IFT57: variants seen among roughly 807,000 people sequenced by gnomAD.
IFT57 encodes intraflagellar transport 57.
In IFT57, 59 loss-of-function variants were observed where a neutral mutation model predicts 56.8. The observed-to-expected ratio is 1.04, with a 90% CI of 0.84 to 1.29. The LOEUF is 1.29. Ranked by LOEUF, IFT57 falls within the 50% of genes most tolerant of loss-of-function variation. The probability of loss-of-function intolerance (pLI) is 0.00; values close to 1 mark genes in which losing one functional copy is unlikely to be tolerated. For synonymous variants in IFT57, 209 were observed against 186.1 expected, an observed-to-expected ratio of 1.12 and a Z score of -1.00; for missense variants, 470 against 522.1, an observed-to-expected ratio of 0.90 and a Z score of 0.97.
At chr3:108,213,268 C>G (rs891838254) in intron 4 of IFT57, among the ~76,000 whole-genome samples, 6 of 152,066 alleles carry the variant, frequency 3.9e-5, no homozygotes, top group Admixed American at 3.9e-4. Context: ...CCCCACATTG[C>G]TCAAGGGTCA....
chr3:108,162,490 G>T lies in IFT57; in HGVS notation c.1277C>A (p.Thr426Lys), dbSNP rs1238789533. 6.3e-7 allele frequency: 1 copy of T among 1,599,352 alleles called. No homozygotes were observed. Among genetic ancestry groups the T allele is most frequent in the Non-Finnish European group, 8.5e-7 (1 of 1,172,606 alleles). Residue 426 changes from threonine to lysine, a missense_variant, in exon 11 of 11, where the codon ACA (threonine) becomes AAA (lysine). Transcript: ENST00000264538. ...MHATVIPEPA[T>K]GFY ...AACCAGTATGTTTTAATAAAAGCCT[G>T]TTGCTGGTTCTGGAATAACTGTGGC...
chr3:108,194,932 T>C (rs2080235583), intron 5 of IFT57, among the ~76,000 whole-genome samples: 1 of 152,054 alleles, frequency 6.6e-6, no homozygotes, highest in Non-Finnish European at 1.5e-5. Context: ...AAGTAAGACC[T>C]CAAAAGCACA....
chr3:108,199,560 A>C (rs992478763), intron 5 of IFT57, among the ~76,000 whole-genome samples: 4 of 152,200 alleles, frequency 2.6e-5, no homozygotes, highest in South Asian at 2.1e-4. Flanking sequence ...AAGACCTTCA[A>C]ATCTAAGGTA....
At chr3:108,211,143 G>A (rs974738945) in intron 4 of IFT57, among the ~76,000 whole-genome samples, 10 of 152,146 alleles carry the variant, frequency 6.6e-5, no homozygotes, top group Admixed American at 2.0e-4. Flanking sequence ...TGGTTTCTGC[G>A]CTTGCAGATA....
At position 108,218,673 on chromosome 3, in the gene IFT57, A is replaced by G; in HGVS notation, c.376-20T>C. The G allele has an allele frequency of 7.9e-7, 1 of 1,269,344 alleles. No individual in the cohort carries two copies. The highest frequency in any genetic ancestry group is 1.1e-6 in the Non-Finnish European group (1 of 912,808). 78.6% of individuals were successfully genotyped at this position (1,269,344 alleles called of 1,614,324 possible). ...TCTTCCCTGAAAAACAAAAGAAAAA[A>G]CAGGGTATTATTTGTTAGTTATACT... is the stretch of plus-strand genomic sequence containing the variant. On this transcript the variant is annotated intron_variant, in intron 2 of 10. Coordinates refer to ENST00000264538, the MANE Select transcript of IFT57 (RefSeq NM_018010.4).
chr3:108,169,493 G>C (rs1429994858), intron 6 of IFT57, among the ~76,000 whole-genome samples: 3 of 152,000 alleles, frequency 2.0e-5, no homozygotes, highest in African/African-American at 7.2e-5. Context: ...AGTTTAATTA[G>C]AGGCCATTTG....
chr3:108,222,376 A>G lies in IFT57; in HGVS notation c.-54T>C. ...TCAGGCCCACAGACCTCTGCGGCCT[A>G]AGCCGCCAGCCCTGCCGCCGCCAGT... On this transcript the variant is annotated 5_prime_UTR_variant, in exon 1 of 11. Coordinates refer to ENST00000264538, the MANE Select transcript of IFT57 (RefSeq NM_018010.4). The G allele has an allele frequency of 1.3e-6, 2 of 1,512,284 alleles. No individual in the cohort carries two copies. The highest frequency in any genetic ancestry group is 8.8e-7 in the Non-Finnish European group (1 of 1,130,974). The allele number at this position is 1,512,284 out of a possible 1,614,324, so 93.7% of individuals were successfully genotyped here.
chr3:108,200,083 C>A (rs2080269411), intron 5 of IFT57, among the ~76,000 whole-genome samples: 1 of 152,036 alleles, frequency 6.6e-6, no homozygotes, highest in East Asian at 1.9e-4. Context: ...AAAGCCAGAT[C>A]AAAATTTTAT....
intron 6 of IFT57, among the ~76,000 whole-genome samples, chr3:108,168,235 A>G (rs2108308392): frequency 6.6e-6 from 1 of 152,050 alleles, no homozygotes; most frequent in Non-Finnish European, 1.5e-5. Context: ...CTGAACTCAA[A>G]TATCATATAT....
At chr3:108,203,994 A>G (rs1216889396) in intron 5 of IFT57, among the ~76,000 whole-genome samples, 4 of 152,232 alleles carry the variant, frequency 2.6e-5, no homozygotes, top group Admixed American at 1.3e-4. Flanking sequence ...ATCATGCTCA[A>G]CTTTCCTAAA....
intron 3 of IFT57, among the ~76,000 whole-genome samples, chr3:108,215,595 A>G (rs2080367688): frequency 6.6e-6 from 1 of 151,880 alleles, no homozygotes; most frequent in South Asian, 2.1e-4. Flanking sequence ...AACATTTACT[A>G]ATATGCAAAA....
intron 6 of IFT57, among the ~76,000 whole-genome samples, chr3:108,171,461 T>C (rs2080091622): frequency 6.6e-6 from 1 of 151,930 alleles, no homozygotes; most frequent in Non-Finnish European, 1.5e-5. Context: ...AGCATTTTTC[T>C]GTTTCATGAG....
At chr3:108,180,624 T>A (rs1158301281) in intron 6 of IFT57, among the ~76,000 whole-genome samples, 1 of 151,972 alleles carries the variant, frequency 6.6e-6, no homozygotes, top group African/African-American at 2.4e-5. Context: ...AAATTGTTAC[T>A]TGGTAGAAGG....
chr3:108,185,610 G>A (rs1246008548), intron 6 of IFT57, among the ~76,000 whole-genome samples: 5 of 141,768 alleles, frequency 3.5e-5, no homozygotes, highest in Non-Finnish European at 7.5e-5. Flanking sequence ...CCAGGCTGGA[G>A]TGCAATGGCG....
intron 8 of IFT57, 67 bp from the exon 9 acceptor site, chr3:108,165,560 CTT>C (rs1287675241): frequency 2.4e-6 from 3 of 1,271,922 alleles, no homozygotes; most frequent in East Asian, 2.3e-5. Context: ...CGACTGACCT[CTT>C]TGTGTTTGCA....
intron 6 of IFT57, among the ~76,000 whole-genome samples, chr3:108,170,406 CAAATA>C (rs1272560819): frequency 6.6e-6 from 1 of 151,700 alleles, no homozygotes; most frequent in Non-Finnish European, 1.5e-5. Flanking sequence ...ACAATTGCTA[CAAATA>C]AAATAAAATA....
At chr3:108,162,683 A>T (rs779142791) in intron 10 of IFT57, 28 bp from the exon 11 acceptor site, 3 of 1,540,108 alleles carry the variant, frequency 1.9e-6, no homozygotes, top group Non-Finnish European at 2.6e-6. Flanking sequence ...CATGAAATAA[A>T]AATGTTCATT....
intron 6 of IFT57, among the ~76,000 whole-genome samples, chr3:108,187,804 A>G (rs192615406): frequency 6.6e-6 from 1 of 152,266 alleles, no homozygotes; most frequent in African/African-American, 2.4e-5. Context: ...CTGACCAGTA[A>G]AACACACTGA....
In IFT57 at chr3:108,194,749, C is replaced by T. The variant is rs181610478; in HGVS notation, c.655-3106G>A. ...GAACATACATTGTGGAAAGGACAGT[C>T]TCTTCAATACATGGTGCTGGAAAAA... On this transcript the variant is annotated intron_variant, in intron 5 of 10. Coordinates refer to ENST00000264538, the MANE Select transcript of IFT57 (RefSeq NM_018010.4). Among the ~76,000 whole-genome samples the T allele has an allele frequency of 1.6e-3, 250 of 152,222 alleles. 4 individuals are homozygous for T. The highest frequency in any genetic ancestry group is 1.3e-3 in the Non-Finnish European group (87 of 67,998).
Sources: gnomAD v4.1 joint callset for allele counts (sites outside exome capture counted in the v4.1 genomes callset) on GRCh38, gnomAD v4.1.1 for gene constraint, MANE v1.5 for transcripts, NCBI Gene and HGNC (gene_info 2026-07-23, HGNC 2026-07-21) for gene names.